The following DNAJA4 variants were observed in gnomAD, a reference collection of about 807,000 sequenced individuals.
The protein encoded by DNAJA4 is DnaJ heat shock protein family (Hsp40) member A4, also known as dnaJ homolog subfamily A member 4.
Under a neutral mutation model 39.7 loss-of-function variants are expected in DNAJA4, and 32 were observed. That is an observed-to-expected ratio of 0.81 (90% CI 0.61 to 1.08). The LOEUF (loss-of-function observed/expected upper bound fraction) is 1.08, where lower values mean the gene tolerates loss of function less well. DNAJA4 is among the 50% of genes least tolerant of loss of function. The pLI is 0.00. For missense variants in DNAJA4, 439 were observed against 505.1 expected (o/e 0.87, Z 1.25); for synonymous variants, 184 against 182.4 (o/e 1.01, Z -0.07).
chr15:78,273,827 A>G (rs1360708698), intron 3 of DNAJA4, among the ~76,000 whole-genome samples: 2 of 152,192 alleles, frequency 1.3e-5, no homozygotes, highest in Non-Finnish European at 2.9e-5. Context: ...GAATTGGCTG[A>G]GCTGGGTAGC....
chr15:78,280,278 G>GA lies in DNAJA4; in HGVS notation c.1016dup (p.Leu340AlafsTer19). On this transcript the variant is annotated frameshift_variant, in exon 7 of 7. Coordinates refer to ENST00000394852, the MANE Select transcript of DNAJA4 (RefSeq NM_001130182.2). LOFTEE classifies it low-confidence loss of function (END_TRUNC). ...TCCTGAAAAACACTGGCTTTCTCTGGAAAAGCTTCCTCAGCTGGAAGCTTT... is the reference window on the plus strand; with the variant it reads ...TCCTGAAAAACACTGGCTTTCTCTGGAAAAAGCTTCCTCAGCTGGAAGCTTT... The GA allele has an allele frequency of 6.2e-7, 1 of 1,614,126 alleles. No individual in the cohort carries two copies. Among genetic ancestry groups the GA allele is most frequent in the Non-Finnish European group, 8.5e-7 (1 of 1,179,996 alleles).
Position 78,279,241 on chromosome 15 carries a change from C to T in DNAJA4, c.878-804C>T, listed in dbSNP as rs992446778. The T allele has an allele frequency of 6.6e-6, 1 of 152,032 alleles. No homozygotes were observed. The highest frequency in any genetic ancestry group is 1.5e-5 in the Non-Finnish European group (1 of 68,098). 9.4% of individuals were successfully genotyped at this position (152,032 alleles called of 1,614,324 possible). Reference sequence around the variant, plus strand: ...GCTGAAGAAATTAGTGTTTCCATTCCCCTCCACCGTCTCCCCCATTTTTTC... The same window carrying T: ...GCTGAAGAAATTAGTGTTTCCATTCTCCTCCACCGTCTCCCCCATTTTTTC... On this transcript the variant is annotated intron_variant, in intron 5 of 6. Coordinates refer to ENST00000394852, the MANE Select transcript of DNAJA4 (RefSeq NM_001130182.2). This position sits in a 1 kb window ranked among gnomAD's most constrained non-coding sequence, Gnocchi z 4.5.
chr15:78,265,460 C>G (rs562139906), intron 1 of DNAJA4: 1 of 702,132 alleles, frequency 1.4e-6, no homozygotes, highest in African/African-American at 1.7e-5. Context: ...AGTGAATAAT[C>G]CCATTTTCTT....
At chr15:78,268,890 T>C (rs2049217709) in intron 1 of DNAJA4, among the ~76,000 whole-genome samples, 1 of 152,276 alleles carries the variant, frequency 6.6e-6, no homozygotes, top group East Asian at 1.9e-4. Context: ...TGGAGAAATA[T>C]GCAGCAGTTG....
intron 1 of DNAJA4, among the ~76,000 whole-genome samples, chr15:78,269,716 TC>T (rs1181732193): frequency 1.3e-5 from 2 of 152,164 alleles, no homozygotes; most frequent in Non-Finnish European, 2.9e-5. Flanking sequence ...TTTTTTTTTT[TC>T]TCCCCTGTGC....
intron 4 of DNAJA4, chr15:78,274,924 A>G (rs1163619279): frequency 1.7e-5 from 3 of 177,984 alleles, no homozygotes; most frequent in African/African-American, 7.2e-5. Flanking sequence ...CCATCATTTT[A>G]AGGCCTTTTT....
intron 1 of DNAJA4, among the ~76,000 whole-genome samples, chr15:78,268,711 C>T (rs2141433976): frequency 6.6e-6 from 1 of 152,314 alleles, no homozygotes; most frequent in Non-Finnish European, 1.5e-5. Context: ...CAGAATCGAG[C>T]CATTCATCTA....
At chr15:78,267,170 G>GTATA (rs2049154263) in intron 1 of DNAJA4, among the ~76,000 whole-genome samples, 1 of 139,828 alleles carries the variant, frequency 7.2e-6, no homozygotes, top group Non-Finnish European at 1.5e-5. Context: ...ATGTGAGTGT[G>GTATA]TGAGTGTGTG....
chr15:78,273,820 T>A (rs2049368932), intron 3 of DNAJA4, among the ~76,000 whole-genome samples: 1 of 152,204 alleles, frequency 6.6e-6, no homozygotes, highest in African/African-American at 2.4e-5. Flanking sequence ...ACAGAGAGAA[T>A]TGGCTGAGCT....
chr15:78,268,064 G>T lies in DNAJA4; in HGVS notation c.133-2433G>T, dbSNP rs546272011. On this transcript the variant is annotated intron_variant, in intron 1 of 6. Coordinates refer to ENST00000394852, the MANE Select transcript of DNAJA4 (RefSeq NM_001130182.2). Reference sequence around the variant, plus strand: ...GGAACCCCCATCCCATGTGAGATCTGGCCTCTGACTGAATGTCCCAAGCAA... The same window carrying T: ...GGAACCCCCATCCCATGTGAGATCTTGCCTCTGACTGAATGTCCCAAGCAA... 2.0e-5 allele frequency among the ~76,000 whole-genome samples: 3 copies of T among 152,276 alleles called. No individual in the cohort carries two copies. In the South Asian group the frequency reaches 6.2e-4, roughly 32 times the overall value.
At position 78,280,231 on chromosome 15, in the gene DNAJA4, C is replaced by CTCAGGGTAATCTTTACAGG; in HGVS notation, c.979-11_979-10insGGGTAATCTTTACAGGTCA. ...AAAAACAGCCACCTTTCTTTCCCAC[C>CTCAGGGTAATCTTTACAGG]TCACCCTTTACAGGTAATCTTTCCT... On this transcript the variant is annotated splice_polypyrimidine_tract_variant and intron_variant, in intron 6 of 6. Transcript: ENST00000394852. The CTCAGGGTAATCTTTACAGG allele has an allele frequency of 6.2e-7, 1 of 1,612,930 alleles. No individual in the cohort carries two copies.
At chr15:78,277,464 C>A (rs1449699609) in intron 5 of DNAJA4, among the ~76,000 whole-genome samples, 1 of 152,196 alleles carries the variant, frequency 6.6e-6, no homozygotes, top group African/African-American at 2.4e-5. Context: ...AAAACACCTT[C>A]CCTTAGGCTT....
intron 2 of DNAJA4, 124 bp downstream of exon 2, chr15:78,270,801 T>A: frequency 1.8e-6 from 2 of 1,088,138 alleles, no homozygotes; most frequent in Non-Finnish European, 2.5e-6. Context: ...TTCATGTCTG[T>A]AATTTCAGCA....
rs1035375469 is a variant in DNAJA4 at position 78,273,314 on chromosome 15, C to T, written c.418+115C>T. 8.5e-6 allele frequency: 6 copies of T among 706,706 alleles called. No individual in the cohort carries two copies. The African/African-American group carries it at 1.1e-4, about 13-fold the overall frequency. The allele number at this position is 706,706 out of a possible 1,614,324, so 43.8% of individuals were successfully genotyped here. The stretch of plus-strand genomic sequence containing the variant: ...TCTTTTTTCAAATGCAAGGGTCAAG[C>T]AGAGATTACAAACAGGTGGCCTGAG... On this transcript the variant is annotated intron_variant, in intron 3 of 6. Transcript: ENST00000394852.
At chr15:78,265,040 G>A (rs1273991168) in intron 1 of DNAJA4, 145 bp downstream of exon 1, 3 of 1,065,138 alleles carry the variant, frequency 2.8e-6, no homozygotes, top group African/African-American at 1.7e-5. Flanking sequence ...GGCAGAGGTG[G>A]CGGGAGACCC....
chr15:78,275,088 C>T, intron 4 of DNAJA4: 1 of 202,090 alleles, frequency 4.9e-6, no homozygotes, highest in South Asian at 1.1e-4. Flanking sequence ...CATGCCTAAA[C>T]CCTGTGCCTT....
chr15:78,272,452 A>T (rs1263437865), intron 2 of DNAJA4, among the ~76,000 whole-genome samples: 1 of 152,232 alleles, frequency 6.6e-6, no homozygotes, highest in Non-Finnish European at 1.5e-5. Context: ...GGCAGCCAGT[A>T]AACCAGGACA....
At chr15:78,278,572 G>C (rs549851888) in intron 5 of DNAJA4, among the ~76,000 whole-genome samples, 1 of 152,324 alleles carries the variant, frequency 6.6e-6, no homozygotes, top group East Asian at 1.9e-4. Context: ...CATAGGAAAG[G>C]TGCAGTAAAA....
At position 78,264,808 on chromosome 15, in the gene DNAJA4, C is replaced by T. The variant is rs767477748; in HGVS notation, c.45C>T (p.Pro15=). The T allele has an allele frequency of 6.8e-6, 11 of 1,610,656 alleles. No individual in the cohort carries two copies. The South Asian group carries it at 8.8e-5, about 13-fold the overall frequency. ...TQYYDILGVK[P]SASPEEIKKA... Reference sequence around the variant, plus strand: ...ACTATGACATCCTGGGCGTGAAGCCCAGCGCGTCCCCGGAGGAGATCAAGA... The same window carrying T: ...ACTATGACATCCTGGGCGTGAAGCCTAGCGCGTCCCCGGAGGAGATCAAGA... Residue 15 remains proline, a synonymous_variant, in exon 1 of 7, where the codon CCC becomes CCT. Transcript: ENST00000394852.
Sources: gnomAD v4.1 joint callset for allele counts (sites outside exome capture counted in the v4.1 genomes callset) on GRCh38, gnomAD v4.1.1 for gene constraint, Gnocchi (gnomAD v3.1) non-coding constraint, MANE v1.5 for transcripts, NCBI Gene and HGNC (gene_info 2026-07-23, HGNC 2026-07-21) for gene names.